Variants in RCAN2 observed in about 807,000 individuals in gnomAD.
RCAN2 encodes the protein calcipressin-2.
Under a neutral mutation model 23.6 loss-of-function variants are expected in RCAN2, and 9 were observed. That is an observed-to-expected ratio of 0.38 (90% confidence interval 0.23 to 0.67). The LOEUF (loss-of-function observed/expected upper bound fraction) is 0.67, where lower values mean the gene tolerates loss of function less well. Among genes scored for constraint, RCAN2 ranks in the 30% least tolerant of loss-of-function variants. The probability of loss-of-function intolerance (pLI) is 0.51; values close to 1 mark genes in which losing one functional copy is unlikely to be tolerated. For missense variants in RCAN2, 273 were observed against 302.3 expected (o/e 0.90, Z 0.72); for synonymous variants, 109 against 115.7 (o/e 0.94, Z 0.37).
intron 2 of RCAN2, among the ~76,000 whole-genome samples, chr6:46,371,690 T>C (rs937428942): frequency 3.3e-5 from 5 of 152,224 alleles, no homozygotes; most frequent in African/African-American, 1.2e-4. Context: ...GAGAGAGGAT[T>C]ACTGTTCCAC....
chr6:46,243,820 A>C (rs1766405446), intron 4 of RCAN2, among the ~76,000 whole-genome samples: 1 of 150,190 alleles, frequency 6.7e-6, no homozygotes, highest in Non-Finnish European at 1.5e-5. Flanking sequence ...AAAAAAAAAA[A>C]AAAAAAAAAA....
intron 2 of RCAN2, among the ~76,000 whole-genome samples, chr6:46,323,252 A>G (rs1323377589): frequency 2.6e-5 from 4 of 152,160 alleles, no homozygotes; most frequent in African/African-American, 9.7e-5. Flanking sequence ...ATTGAGCATT[A>G]AATAGGAGTC....
chr6:46,443,507 C>G (rs1008654661), intron 2 of RCAN2, among the ~76,000 whole-genome samples: 1 of 151,856 alleles, frequency 6.6e-6, no homozygotes, highest in African/African-American at 2.4e-5. Flanking sequence ...TTATTTATTG[C>G]TTTTATTGCT....
chr6:46,461,893 GCTTT>G (rs1768223852), intron 1 of RCAN2, among the ~76,000 whole-genome samples: 1 of 152,146 alleles, frequency 6.6e-6, no homozygotes, highest in African/African-American at 2.4e-5. Flanking sequence ...GCCAGCTGTG[GCTTT>G]CTTGACTGCA....
At position 46,448,257 on chromosome 6, in the gene RCAN2, C is replaced by T. The variant is rs76933483; in HGVS notation, c.225+8495G>A. Among the ~76,000 whole-genome samples the T allele has an allele frequency of 5.0e-3, 760 of 151,626 alleles. 6 individuals carry two copies. The highest frequency in any genetic ancestry group is 0.017 in the African/African-American group (724 of 41,466). On this transcript the variant is annotated intron_variant, in intron 2 of 4. Coordinates refer to ENST00000371374, the MANE Select transcript of RCAN2 (RefSeq NM_001251974.2). ...GAAGAAATGGATAAATTCCTAGAGA[C>T]GTAAAACCTACGAAGACTGAATCAC...
intron 2 of RCAN2, among the ~76,000 whole-genome samples, chr6:46,415,957 T>C (rs1766703669): frequency 6.6e-6 from 1 of 152,234 alleles, no homozygotes; most frequent in Admixed American, 6.5e-5. Flanking sequence ...AAATCAACTG[T>C]AGATTACTTA....
chr6:46,327,769 A>C (rs780575610), intron 2 of RCAN2, among the ~76,000 whole-genome samples: 1 of 152,236 alleles, frequency 6.6e-6, no homozygotes, highest in Non-Finnish European at 1.5e-5. Flanking sequence ...GCATTCGTCA[A>C]TTTCTATGGT....
chr6:46,290,710 C>T (rs1006534147), intron 2 of RCAN2, among the ~76,000 whole-genome samples: 2 of 152,180 alleles, frequency 1.3e-5, no homozygotes, highest in African/African-American at 4.8e-5. Flanking sequence ...TAATATGGTG[C>T]TGTCAAGTTA....
chr6:46,357,233 CA>C (rs1561873026), intron 2 of RCAN2, among the ~76,000 whole-genome samples: 1 of 152,108 alleles, frequency 6.6e-6, no homozygotes, highest in African/African-American at 2.4e-5. Context: ...AACTTCAGGG[CA>C]ACTAAATGAA....
chr6:46,358,391 C>G (rs1261173037), intron 2 of RCAN2, among the ~76,000 whole-genome samples: 1 of 152,162 alleles, frequency 6.6e-6, no homozygotes, highest in East Asian at 1.9e-4. Flanking sequence ...GGGAAGACAC[C>G]AGGCCCCCAG....
At chr6:46,248,648 G>A in intron 3 of RCAN2, 75 bp downstream of exon 3, 1 of 1,177,686 alleles carries the variant, frequency 8.5e-7, no homozygotes. Flanking sequence ...AAATAGAAAG[G>A]GCTTCATTTA....
chr6:46,418,782 A>G (rs928213464), intron 2 of RCAN2, among the ~76,000 whole-genome samples: 25 of 149,038 alleles, frequency 1.7e-4, no homozygotes, highest in African/African-American at 4.9e-4. Flanking sequence ...TCAAAATTCA[A>G]TGCTTCTTTA....
At chr6:46,453,478 T>C (rs938231175) in intron 2 of RCAN2, among the ~76,000 whole-genome samples, 23 of 152,276 alleles carry the variant, frequency 1.5e-4, no homozygotes, top group Non-Finnish European at 2.8e-4. Context: ...GGAATGAACA[T>C]TACGGACAAC....
At position 46,222,349 on chromosome 6, in the gene RCAN2, A is replaced by G. The variant is rs938749710; in HGVS notation, c.*792T>C. 22 of 174,694 alleles carry G rather than the reference A, an allele frequency of 1.3e-4. No homozygotes were observed. Among genetic ancestry groups the G allele is most frequent in the Non-Finnish European group, 2.5e-4 (21 of 83,086 alleles). 10.8% of individuals were successfully genotyped at this position (174,694 alleles called of 1,614,324 possible). ...GAAAACAATCATTCAGACACCATGA[A>G]ACTTTTGTAATAAATAGGTTTGTCT... On this transcript the variant is annotated 3_prime_UTR_variant, in exon 5 of 5. Coordinates refer to ENST00000371374, the MANE Select transcript of RCAN2 (RefSeq NM_001251974.2).
At position 46,423,429 on chromosome 6, in the gene RCAN2, G is replaced by A. The variant is rs531699450; in HGVS notation, c.225+33323C>T. ...GCAAGAGAGAACAGAAAAGAGACAA[G>A]ATGAGACCAAGCTATTTCTCCTCCT... On this transcript the variant is annotated intron_variant, in intron 2 of 4. Coordinates refer to ENST00000371374, the MANE Select transcript of RCAN2 (RefSeq NM_001251974.2). Among the ~76,000 whole-genome samples the A allele has an allele frequency of 2.0e-5, 3 of 152,220 alleles. No individual in the cohort carries two copies. In the South Asian group the frequency reaches 6.2e-4, roughly 32 times the overall value.
intron 2 of RCAN2, among the ~76,000 whole-genome samples, chr6:46,321,467 T>A (rs1330545515): frequency 6.6e-6 from 1 of 152,228 alleles, no homozygotes; most frequent in African/African-American, 2.4e-5. Context: ...GTATTTCTTA[T>A]AAGATTTGTC....
intron 2 of RCAN2, among the ~76,000 whole-genome samples, chr6:46,372,208 C>T (rs144338705): frequency 6.6e-6 from 1 of 152,198 alleles, no homozygotes; most frequent in Non-Finnish European, 1.5e-5. Flanking sequence ...ATGACAGCAA[C>T]AATCGTATTT....
intron 1 of RCAN2, among the ~76,000 whole-genome samples, chr6:46,475,064 GT>G (rs752518725): frequency 1.3e-5 from 2 of 152,162 alleles, no homozygotes; most frequent in Non-Finnish European, 2.9e-5. Context: ...ATTAAAATGA[GT>G]TTTTTTATTT....
intron 2 of RCAN2, among the ~76,000 whole-genome samples, chr6:46,454,900 A>G (rs74722791): frequency 0.015 from 2,303 of 152,300 alleles, 28 homozygotes; most frequent in South Asian, 0.034. Flanking sequence ...AATTCAGTTA[A>G]TCAGCCATTC....
Sources: allele counts gnomAD v4.1 joint callset (sites outside exome capture counted in the v4.1 genomes callset), GRCh38; gene constraint gnomAD v4.1.1; transcripts MANE v1.5; gene names NCBI Gene and HGNC (gene_info 2026-07-23, HGNC 2026-07-21).